The following NUCB2 variants were observed in gnomAD, a reference collection of about 807,000 sequenced individuals.
NUCB2 encodes the protein nucleobindin 2.
In NUCB2, 48 loss-of-function variants were observed where a neutral mutation model predicts 57.9. The observed-to-expected ratio is 0.83, with a 90% CI of 0.66 to 1.05. The LOEUF is 1.05. Ranked by LOEUF, NUCB2 falls within the 50% of genes least tolerant of loss-of-function variation. The pLI is 0.00. For synonymous variants in NUCB2, 139 were observed against 152.1 expected, an observed-to-expected ratio of 0.91 and a Z score of 0.64; for missense variants, 442 against 476.2, an observed-to-expected ratio of 0.93 and a Z score of 0.67.
chr11:17,335,098 T>C (rs1404502318), downstream of NUCB2, among the ~76,000 whole-genome samples: 2 of 151,822 alleles, frequency 1.3e-5, no homozygotes, highest in East Asian at 4.0e-4. Flanking sequence ...CTCAATGTAG[T>C]AATAGTGCTT....
At chr11:17,297,424 A>G (rs1946003966) in intron 4 of NUCB2, among the ~76,000 whole-genome samples, 1 of 152,140 alleles carries the variant, frequency 6.6e-6, no homozygotes, top group Non-Finnish European at 1.5e-5. Flanking sequence ...TCCTCTTGGA[A>G]GTTGTGAACT....
At chr11:17,331,145 GC>G in intron 13 of NUCB2, 162 bp downstream of exon 13, 3 of 613,008 alleles carry the variant, frequency 4.9e-6, no homozygotes. Flanking sequence ...AAATGAAAAT[GC>G]CTCCAAAAGT....
chr11:17,287,346 C>T (rs1243493692), intron 2 of NUCB2, among the ~76,000 whole-genome samples: 1 of 151,652 alleles, frequency 6.6e-6, no homozygotes, highest in Non-Finnish European at 1.5e-5. Context: ...AACAAAAAAG[C>T]CCTATAGAAG....
At chr11:17,338,561 C>T (rs1194198496) in intron 2 of NUCB2, among the ~76,000 whole-genome samples, 1 of 152,038 alleles carries the variant, frequency 6.6e-6, no homozygotes, top group Non-Finnish European at 1.5e-5. Flanking sequence ...ATATATTTCC[C>T]AAGCCTTTCC....
chr11:17,347,457 T>G (rs1350488959), intron 2 of NUCB2, among the ~76,000 whole-genome samples: 1 of 152,222 alleles, frequency 6.6e-6, no homozygotes, highest in East Asian at 1.9e-4. Context: ...TGTCCAATTC[T>G]TTGTTTGACT....
At position 17,311,113 on chromosome 11, in the gene NUCB2, A is replaced by T. The variant is rs981489319; in HGVS notation, c.670-80A>T. 14 of 1,419,566 alleles carry T rather than the reference A, an allele frequency of 9.9e-6. No individual in the cohort carries two copies. In the Middle Eastern group the frequency reaches 5.4e-4, roughly 55 times the overall value. The allele number at this position is 1,419,566 out of a possible 1,614,324, so 87.9% of individuals were successfully genotyped here. ...GTACTTAAATCTTGATTCTTCTGCC[A>T]AGTTCCTCAAATTTATATTTTGAGT... On this transcript the variant is annotated intron_variant, in intron 7 of 13. Coordinates refer to ENST00000529010, the MANE Select transcript of NUCB2 (RefSeq NM_005013.4).
Position 17,309,368 on chromosome 11 carries a change from A to G in NUCB2, c.380-204A>G, listed in dbSNP as rs1591425545. Among the ~76,000 whole-genome samples, 3 of 152,130 alleles carry G rather than the reference A, an allele frequency of 2.0e-5. No individual in the cohort carries two copies. The East Asian group carries it at 5.8e-4, about 29-fold the overall frequency. On this transcript the variant is annotated intron_variant, in intron 5 of 13. Transcript: ENST00000529010. Reference sequence around the variant, plus strand: ...TTTAAAAATATACATGTTAAATTGCATTCCACTCTAGGTTCAAGGACACTA... The same window carrying G: ...TTTAAAAATATACATGTTAAATTGCGTTCCACTCTAGGTTCAAGGACACTA...
intron 4 of NUCB2, among the ~76,000 whole-genome samples, chr11:17,298,434 G>A (rs1180643020): frequency 1.3e-5 from 2 of 151,804 alleles, no homozygotes; most frequent in Admixed American, 6.6e-5. Context: ...TAGATGTGGT[G>A]GTGTGTGCCT....
chr11:17,324,212 A>T (rs1410206302), intron 11 of NUCB2, among the ~76,000 whole-genome samples: 1 of 152,070 alleles, frequency 6.6e-6, no homozygotes, highest in African/African-American at 2.4e-5. Flanking sequence ...TCTTAGTACT[A>T]CATTTGCTTT....
chr11:17,334,668 C>G (rs1951662438), downstream of NUCB2, among the ~76,000 whole-genome samples: 1 of 152,152 alleles, frequency 6.6e-6, no homozygotes, highest in Non-Finnish European at 1.5e-5. Context: ...AGTGGATCAC[C>G]TGAGGTTAGG....
chr11:17,291,594 G>A (rs892624426), intron 2 of NUCB2, among the ~76,000 whole-genome samples: 11 of 119,864 alleles, frequency 9.2e-5, no homozygotes, highest in Non-Finnish European at 1.6e-4. Flanking sequence ...ATCAAAAAGT[G>A]AAAGTTTTTG....
intron 4 of NUCB2, among the ~76,000 whole-genome samples, chr11:17,297,576 T>C (rs1946031373): frequency 6.6e-6 from 1 of 152,228 alleles, no homozygotes; most frequent in African/African-American, 2.4e-5. Flanking sequence ...GAACTCTTAA[T>C]GTCTTGTATC....
intron 5 of NUCB2, among the ~76,000 whole-genome samples, chr11:17,306,377 A>G (rs1947639735): frequency 6.6e-6 from 1 of 152,360 alleles, no homozygotes; most frequent in Admixed American, 6.5e-5. Flanking sequence ...ATAATAATCT[A>G]CATTTTAAAC....
chr11:17,283,054 A>G (rs966309788), intron 2 of NUCB2, 111 bp downstream of exon 2: 4 of 151,588 alleles, frequency 2.6e-5, no homozygotes, highest in African/African-American at 9.7e-5. Flanking sequence ...TGGCTTAAAC[A>G]TGCAATATTT....
At chr11:17,298,040 C>G (rs560411140) in intron 4 of NUCB2, among the ~76,000 whole-genome samples, 45 of 146,340 alleles carry the variant, frequency 3.1e-4, no homozygotes, top group Non-Finnish European at 4.6e-4. Context: ...CGAGATTGTT[C>G]CACTGCACTT....
chr11:17,282,265 T>A (rs1353187374), intron 1 of NUCB2, among the ~76,000 whole-genome samples: 1 of 147,430 alleles, frequency 6.8e-6, no homozygotes, highest in African/African-American at 2.5e-5. Context: ...TATATTTTTT[T>A]TTTTTTTTCC....
intron 2 of NUCB2, among the ~76,000 whole-genome samples, chr11:17,288,950 C>T (rs56256649): frequency 0.015 from 502 of 33,098 alleles, 17 homozygotes; most frequent in African/African-American, 0.041. Context: ...CACACACACA[C>T]ATATATATAT....
intron 4 of NUCB2, among the ~76,000 whole-genome samples, chr11:17,301,060 C>A (rs1199187673): frequency 6.7e-6 from 1 of 149,814 alleles, no homozygotes; most frequent in African/African-American, 2.5e-5. Flanking sequence ...GCAACCTCCG[C>A]CTCCTGGGTT....
intron 2 of NUCB2, among the ~76,000 whole-genome samples, chr11:17,348,989 A>G (rs1301342985): frequency 6.6e-6 from 1 of 152,092 alleles, no homozygotes; most frequent in African/African-American, 2.4e-5. Flanking sequence ...CATGTTGGCC[A>G]GGCTGGTCTC....
Sources: gnomAD v4.1 joint callset for allele counts (sites outside exome capture counted in the v4.1 genomes callset) on GRCh38, gnomAD v4.1.1 for gene constraint, MANE v1.5 for transcripts, NCBI Gene and HGNC (gene_info 2026-07-23, HGNC 2026-07-21) for gene names.